Variants in PEX11G observed in about 807,000 individuals in gnomAD.
PEX11G encodes peroxisomal membrane protein 11C.
PEX11G carries 20 observed loss-of-function variants against 22.5 expected under a neutral mutation model. That is an observed-to-expected ratio of 0.89 (90% CI 0.62 to 1.29). The LOEUF is 1.29. Ranked by LOEUF, PEX11G falls within the 50% of genes most tolerant of loss-of-function variation. The probability of loss-of-function intolerance (pLI) is 0.00; values close to 1 mark genes in which losing one functional copy is unlikely to be tolerated. For synonymous variants in PEX11G, 141 were observed against 154.5 expected (o/e 0.91, Z 0.65); for missense variants, 347 against 331.3 (o/e 1.05, Z -0.37).
At chr19:7,479,012 G>C (rs557696495) in intron 3 of PEX11G, among the ~76,000 whole-genome samples, 1 of 152,328 alleles carries the variant, frequency 6.6e-6, no homozygotes, top group East Asian at 1.9e-4. Context: ...CTCCAGCCTC[G>C]GCCGTGGGGT....
At chr19:7,485,045 A>G (rs2021573308) in intron 2 of PEX11G, among the ~76,000 whole-genome samples, 1 of 152,046 alleles carries the variant, frequency 6.6e-6, no homozygotes, top group African/African-American at 2.4e-5. Flanking sequence ...CCATCCCAGC[A>G]CTCAGGGAGG....
intron 2 of PEX11G, among the ~76,000 whole-genome samples, chr19:7,482,914 C>A (rs1413208703): frequency 6.6e-6 from 1 of 152,250 alleles, no homozygotes; most frequent in Non-Finnish European, 1.5e-5. Context: ...CACACGCGGG[C>A]TCTCGGTCCT....
At chr19:7,481,721 C>T (rs1358524850) in intron 3 of PEX11G, among the ~76,000 whole-genome samples, 1 of 152,172 alleles carries the variant, frequency 6.6e-6, no homozygotes, top group Non-Finnish European at 1.5e-5. Context: ...ACGGACCTCC[C>T]CCTGGGACCT....
rs565656390 is a variant in PEX11G, at chr19:7,484,699, G to A, written c.249+1139C>T. Among the ~76,000 whole-genome samples, 5 of 151,616 alleles carry A rather than the reference G, an allele frequency of 3.3e-5. No individual in the cohort carries two copies. In the East Asian group the frequency reaches 7.8e-4, roughly 24 times the overall value. ...GAGGCAGAAAAATCATTTGAATCCC[G>A]GAGGCAGAGGTTGCAGTGAGCCGAG... On this transcript the variant is annotated intron_variant, in intron 2 of 4. Coordinates refer to ENST00000221480, the MANE Select transcript of PEX11G (RefSeq NM_080662.4).
intron 2 of PEX11G, among the ~76,000 whole-genome samples, chr19:7,484,024 A>G (rs1191222610): frequency 1.3e-5 from 2 of 152,170 alleles, no homozygotes; most frequent in Non-Finnish European, 2.9e-5. Context: ...GCAGAGCACT[A>G]TGTGGTCCTG....
chr19:7,487,489 G>A (rs1057249562), intron 1 of PEX11G, among the ~76,000 whole-genome samples: 1 of 152,086 alleles, frequency 6.6e-6, no homozygotes, highest in African/African-American at 2.4e-5. Flanking sequence ...GTGCAAAGGT[G>A]TGAGCTCACT....
At chr19:7,486,597 AC>A (rs2021667998) in intron 1 of PEX11G, among the ~76,000 whole-genome samples, 1 of 151,754 alleles carries the variant, frequency 6.6e-6, no homozygotes, top group Non-Finnish European at 1.5e-5. Context: ...CCCTGTGTCT[AC>A]CAAAAAAATT....
At chr19:7,494,785 C>T (rs1363668237) in intron 1 of PEX11G, among the ~76,000 whole-genome samples, 1 of 152,182 alleles carries the variant, frequency 6.6e-6, no homozygotes, top group African/African-American at 2.4e-5. Flanking sequence ...CGACATCAGA[C>T]AAGGCCACTC....
upstream of PEX11G, among the ~76,000 whole-genome samples, chr19:7,493,617 A>G (rs987926424): frequency 8.6e-5 from 13 of 151,506 alleles, no homozygotes; most frequent in African/African-American, 2.9e-4. Context: ...GTGATCCTCC[A>G]TCCTCAGCCT....
chr19:7,477,322 GC>G lies in PEX11G; in HGVS notation c.605del (p.Gly202AlafsTer12). ...LANAVHWLPR[G>X]VLWAGRFPPW... ...GCGGGAAGCGGCCGGCCCACAGCACGCCCCGGGGCAGCCAGTGCACGGCGTT... is the reference window on the plus strand; with the variant it reads ...GCGGGAAGCGGCCGGCCCACAGCACGCCCGGGGCAGCCAGTGCACGGCGTT... On this transcript the variant is annotated frameshift_variant, in exon 5 of 5. Coordinates refer to ENST00000221480, the MANE Select transcript of PEX11G (RefSeq NM_080662.4). LOFTEE classifies it high-confidence loss of function. 6.4e-7 allele frequency: 1 copy of G among 1,558,460 alleles called. No individual in the cohort carries two copies. The highest frequency in any genetic ancestry group is 1.9e-5 in the Admixed American group (1 of 51,424).
chr19:7,490,492 T>A (rs1354966708), upstream of PEX11G, among the ~76,000 whole-genome samples: 1 of 968 alleles, frequency 1.0e-3, no homozygotes, highest in African/African-American at 2.2e-3. Flanking sequence ...CCTGGGTAAT[T>A]TTTTTTTTTT....
rs73001518 is a variant in PEX11G, at chr19:7,482,401, G to A, written c.250-190C>T. On this transcript the variant is annotated intron_variant, in intron 2 of 4. Coordinates refer to ENST00000221480, the MANE Select transcript of PEX11G (RefSeq NM_080662.4). ...CGCACAGGCCTGATTTCTGTGTCTC[G>A]GCAGCACGGTGCTCAGTGCCCCTTG... 3.3e-3 allele frequency among the ~76,000 whole-genome samples: 504 copies of A among 152,322 alleles called. 2 individuals carry two copies. Among genetic ancestry groups the A allele is most frequent in the South Asian group, 5.8e-3 (28 of 4,830 alleles).
chr19:7,478,043 A>G (rs1977310549), intron 4 of PEX11G, among the ~76,000 whole-genome samples: 1 of 152,206 alleles, frequency 6.6e-6, no homozygotes, highest in Non-Finnish European at 1.5e-5. Flanking sequence ...AGAAAAAGCA[A>G]CAGTAACAAT....
intron 3 of PEX11G, among the ~76,000 whole-genome samples, chr19:7,478,677 G>A (rs1308252747): frequency 1.3e-5 from 2 of 152,238 alleles, no homozygotes; most frequent in African/African-American, 2.4e-5. Flanking sequence ...AGCCCCGTGA[G>A]GTGTTCACAG....
chr19:7,487,972 G>T (rs1245623131), intron 1 of PEX11G, among the ~76,000 whole-genome samples: 1 of 152,200 alleles, frequency 6.6e-6, no homozygotes, highest in Non-Finnish European at 1.5e-5. Flanking sequence ...GTGGGGACAA[G>T]CTAAGAGTCC....
chr19:7,489,082 G>A (rs1305349497), upstream of PEX11G: 1 of 1,418,520 alleles, frequency 7.0e-7, no homozygotes, highest in East Asian at 2.8e-5. Context: ...GGTACCGGGA[G>A]CGCCCCAAAG....
chr19:7,494,744 C>T (rs1207832062), intron 1 of PEX11G, among the ~76,000 whole-genome samples: 2 of 152,304 alleles, frequency 1.3e-5, no homozygotes, highest in East Asian at 3.9e-4. Flanking sequence ...CTGGTGTCCT[C>T]CTGCTGGACA....
intron 3 of PEX11G, among the ~76,000 whole-genome samples, chr19:7,479,990 G>A (rs998284233): frequency 2.6e-5 from 4 of 152,178 alleles, no homozygotes; most frequent in African/African-American, 9.7e-5. Context: ...TGGGCCGGGA[G>A]TGGTGGCTCA....
rs144534269 is a variant in PEX11G at position 7,485,378 on chromosome 19, C to G, written c.249+460G>C. Among the ~76,000 whole-genome samples, 102 of 151,100 alleles carry G rather than the reference C, an allele frequency of 6.8e-4. 1 individual carries two copies. Among genetic ancestry groups the G allele is most frequent in the Non-Finnish European group, 1.3e-3 (85 of 67,816 alleles). ...TAGAGACAGGGTTTTTTTTTTTAGA[C>G]GGAGTCTCGCTCTGTCGTCCAGGCT... On this transcript the variant is annotated intron_variant, in intron 2 of 4. Transcript: ENST00000221480.
Sources: gnomAD v4.1 joint callset for allele counts (sites outside exome capture counted in the v4.1 genomes callset) on GRCh38, gnomAD v4.1.1 for gene constraint, MANE v1.5 for transcripts, NCBI Gene and HGNC (gene_info 2026-07-23, HGNC 2026-07-21) for gene names.